CTPS2: variants seen among roughly 807,000 people sequenced by gnomAD.
The protein encoded by CTPS2 is CTP synthase II.
Under a neutral mutation model 46.8 loss-of-function variants are expected in CTPS2, and 19 were observed. The observed-to-expected ratio is 0.41, with a 90% CI of 0.28 to 0.60. CTPS2 has a LOEUF of 0.60. CTPS2 is among the 20% of genes least tolerant of loss of function. CTPS2 has a pLI of 0.35. For synonymous variants in CTPS2, 151 were observed against 165.2 expected (o/e 0.91, Z 0.66); for missense variants, 286 against 447.6 (o/e 0.64, Z 3.26).
intron 13 of CTPS2, 100 bp downstream of exon 13, chrX:16,667,414 G>A: frequency 1.1e-6 from 1 of 889,050 alleles, no homozygotes; most frequent in Non-Finnish European, 1.6e-6. Flanking sequence ...GATTACAGGG[G>A]TGAGCCATGG....
intron 14 of CTPS2, among the ~76,000 whole-genome samples, chrX:16,623,792 CTTTTTTTTTTTT>C (rs60328217): frequency 3.2e-4 from 7 of 21,680 alleles, no homozygotes; most frequent in African/African-American, 1.1e-3. Flanking sequence ...CCCCTCAATT[CTTTTTTTTTTTT>C]TTTTTTTTTT....
chrX:16,674,236 T>G (rs1411314529), intron 10 of CTPS2, among the ~76,000 whole-genome samples: 1 of 111,006 alleles, frequency 9.0e-6, no homozygotes, highest in Non-Finnish European at 1.9e-5. Flanking sequence ...CAATCTTGGC[T>G]CACTGCAACC....
chrX:16,695,047 C>T (rs1924014918), intron 4 of CTPS2, among the ~76,000 whole-genome samples: 1 of 111,800 alleles, frequency 8.9e-6, no homozygotes, highest in Non-Finnish European at 1.9e-5. Flanking sequence ...GAAAACATCA[C>T]ATGCAATCAG....
chrX:16,697,735 G>A (rs1263413189), intron 4 of CTPS2, among the ~76,000 whole-genome samples: 1 of 111,259 alleles, frequency 9.0e-6, no homozygotes, highest in Non-Finnish European at 1.9e-5. Flanking sequence ...GAGCCACCTC[G>A]CGCAGCCACT....
intron 17 of CTPS2, among the ~76,000 whole-genome samples, chrX:16,597,251 C>G (rs1214149967): frequency 0.023 from 2,539 of 111,607 alleles, 96 homozygotes; most frequent in African/African-American, 0.079. Context: ...CGGTGTTTTA[C>G]ACATGAAGTC....
At chrX:16,678,322 G>C in intron 10 of CTPS2, 40 bp downstream of exon 10, 1 of 858,100 alleles carries the variant, frequency 1.2e-6, no homozygotes, top group Non-Finnish European at 1.7e-6. Flanking sequence ...AAAGTACAAT[G>C]GTCCTATCCT....
intron 15 of CTPS2, among the ~76,000 whole-genome samples, chrX:16,618,157 C>T (rs1260857094): frequency 8.9e-6 from 1 of 111,763 alleles, no homozygotes; most frequent in African/African-American, 3.3e-5. Flanking sequence ...TATAGCTTTG[C>T]CTATTCTGGT....
chrX:16,660,927 CT>C (rs1487052586), intron 13 of CTPS2, among the ~76,000 whole-genome samples: 1 of 109,876 alleles, frequency 9.1e-6, no homozygotes, highest in Non-Finnish European at 1.9e-5. Context: ...CCAGAGTGGT[CT>C]GTAAAAAGCT....
chrX:16,610,435 A>T (rs1239130048), intron 16 of CTPS2, among the ~76,000 whole-genome samples: 3 of 111,686 alleles, frequency 2.7e-5, no homozygotes, highest in Non-Finnish European at 5.6e-5. Flanking sequence ...CAAAGATCCA[A>T]AGCTACTACT....
chrX:16,624,745 GTCTT>G (rs1373279344), intron 14 of CTPS2, among the ~76,000 whole-genome samples: 2 of 112,012 alleles, frequency 1.8e-5, no homozygotes, highest in Non-Finnish European at 3.8e-5. Context: ...AAGTGACTCA[GTCTT>G]TCTTTCTGTC....
chrX:16,598,738 G>A (rs1476190432), intron 17 of CTPS2, among the ~76,000 whole-genome samples: 9 of 110,538 alleles, frequency 8.1e-5, no homozygotes, highest in East Asian at 2.8e-4. Context: ...TACCAAAGCC[G>A]GGCAGAGACA....
chrX:16,644,312 T>A (rs1263124768), intron 13 of CTPS2, among the ~76,000 whole-genome samples: 1 of 110,595 alleles, frequency 9.0e-6, no homozygotes, highest in Non-Finnish European at 1.9e-5. Flanking sequence ...TTTTTTGGTA[T>A]TTTTTTGTAG....
intron 13 of CTPS2, chrX:16,651,081 C>T: frequency 8.3e-7 from 1 of 1,207,895 alleles, no homozygotes; most frequent in African/African-American, 1.7e-5. Context: ...GTGATCCAGA[C>T]CAGTTGTCAA....
At chrX:16,600,891 T>G (rs1453179777) in intron 17 of CTPS2, among the ~76,000 whole-genome samples, 2 of 112,067 alleles carry the variant, frequency 1.8e-5, no homozygotes, top group Admixed American at 9.5e-5. Flanking sequence ...GGCATTTTGA[T>G]AGCAGTTGAG....
intron 13 of CTPS2, among the ~76,000 whole-genome samples, chrX:16,642,028 A>T (rs984162925): frequency 1.8e-5 from 2 of 112,233 alleles, no homozygotes; most frequent in Non-Finnish European, 3.8e-5. Flanking sequence ...AGTGGTACAG[A>T]GGGAGTGAGG....
intron 13 of CTPS2, among the ~76,000 whole-genome samples, chrX:16,642,292 A>T (rs1932117610): frequency 8.9e-6 from 1 of 111,944 alleles, no homozygotes; most frequent in African/African-American, 3.2e-5. Context: ...AAAACATGCT[A>T]GCGTAGGAAC....
chrX:16,701,352 G>A (rs1209800451), intron 2 of CTPS2, among the ~76,000 whole-genome samples: 1 of 110,254 alleles, frequency 9.1e-6, no homozygotes, highest in Non-Finnish European at 1.9e-5. Context: ...AGCCCAGGAG[G>A]TCGAGACCAG....
rs769264192 is a variant in CTPS2 at position 16,665,140 on chromosome X, A to G, written c.1296+2374T>C. The stretch of plus-strand genomic sequence containing the variant: ...CTATCATCAAAAAGACAGAAATAAC[A>G]AATGTTCACAAGGATATGGACAAAT... On this transcript the variant is annotated intron_variant, in intron 13 of 18. Transcript: ENST00000359276. 8.9e-5 allele frequency among the ~76,000 whole-genome samples: 10 copies of G among 112,273 alleles called. No homozygotes were observed. The South Asian group carries it at 3.7e-3, about 41-fold the overall frequency.
chrX:16,638,123 T>C (rs5936156), intron 14 of CTPS2, among the ~76,000 whole-genome samples: 56,891 of 108,455 alleles, frequency 0.52, 12,785 homozygotes, highest in African/African-American at 0.87. Context: ...GGCGCGGTGG[T>C]AGGCGCCTGT....
Sources: allele counts gnomAD v4.1 joint callset (sites outside exome capture counted in the v4.1 genomes callset), GRCh38; gene constraint gnomAD v4.1.1; transcripts MANE v1.5; gene names NCBI Gene and HGNC (gene_info 2026-07-23, HGNC 2026-07-21).